TAPT1: variants seen among roughly 807,000 people sequenced by gnomAD.
TAPT1 encodes the protein transmembrane anterior posterior transformation protein 1 homolog.
TAPT1 carries 28 observed loss-of-function variants against 65.6 expected under a neutral mutation model. The observed-to-expected ratio is 0.43, with a 90% CI of 0.32 to 0.59. The LOEUF is 0.59. Ranked by LOEUF, TAPT1 falls within the 20% of genes least tolerant of loss-of-function variation. The pLI, the probability that TAPT1 is intolerant of heterozygous loss-of-function variation, is 0.09. For synonymous variants in TAPT1, 278 were observed against 245.2 expected, an observed-to-expected ratio of 1.13 and a Z score of -1.25; for missense variants, 563 against 679.9, an observed-to-expected ratio of 0.83 and a Z score of 1.91.
chr4:16,206,906 T>C lies in TAPT1; in HGVS notation c.331-4326A>G, dbSNP rs564678101. ...TCTTAGAACTATCTGATGAGTCTCA[T>C]ATGCCCAACCTCCCCTGAGAAAATT... On this transcript the variant is annotated intron_variant, in intron 2 of 13. Coordinates refer to ENST00000405303, the MANE Select transcript of TAPT1 (RefSeq NM_153365.3). Among the ~76,000 whole-genome samples, 6 of 152,280 alleles carry C rather than the reference T, an allele frequency of 3.9e-5. No individual in the cohort carries two copies. In the East Asian group the frequency reaches 5.8e-4, roughly 15 times the overall value.
chr4:16,220,000 G>A (rs191891551), intron 1 of TAPT1, among the ~76,000 whole-genome samples: 35 of 152,298 alleles, frequency 2.3e-4, no homozygotes, highest in Middle Eastern at 3.4e-3. Flanking sequence ...AGTTAGCCTC[G>A]CTGCTTCTGC....
intron 1 of TAPT1, among the ~76,000 whole-genome samples, chr4:16,217,000 C>G (rs1199858990): frequency 6.6e-6 from 1 of 152,156 alleles, no homozygotes; most frequent in Non-Finnish European, 1.5e-5. Context: ...CTCTAGGTCA[C>G]AATTTTCTTT....
chr4:16,163,212 T>C lies in TAPT1; in HGVS notation c.*96A>G. The C allele has an allele frequency of 1.1e-6, 1 of 894,554 alleles. No homozygotes were observed. Among genetic ancestry groups the C allele is most frequent in the Non-Finnish European group, 1.8e-6 (1 of 555,338 alleles). The allele number at this position is 894,554 out of a possible 1,614,324, so 55.4% of individuals were successfully genotyped here. A position where few individuals can be genotyped will look rare whatever the true frequency, so the allele number is the denominator to read the frequency against. ...GCCAATAATAATTTAAGTTTTTAAA[T>C]AAATATTTAAGTGCCATGTTTAGCA... On this transcript the variant is annotated 3_prime_UTR_variant, in exon 14 of 14. Transcript: ENST00000405303.
Position 16,226,363 on chromosome 4 carries a change from G to A in TAPT1, c.95C>T (p.Pro32Leu). The stretch of plus-strand genomic sequence containing the variant: ...GGGCCCCTGTCCGCCGCTGCCGCCC[G>A]GCTGCTCCGCCTCGCCGCGGCCGTC... The part of the protein sequence containing the change: ...QRDGRGEAEQ[P>L]GGSGGQGPPP... Residue 32 changes from proline to leucine, a missense_variant, in exon 1 of 14, where the codon CCG (proline) becomes CTG (leucine). Transcript: ENST00000405303. 2 of 1,110,284 alleles carry A rather than the reference G, an allele frequency of 1.8e-6. No homozygotes were observed. Among genetic ancestry groups the A allele is most frequent in the Non-Finnish European group, 2.2e-6 (2 of 911,302 alleles). The allele number at this position is 1,110,284 out of a possible 1,614,324, so 68.8% of individuals were successfully genotyped here.
Position 16,163,034 on chromosome 4 carries a change from G to C in TAPT1, c.*274C>G, listed in dbSNP as rs1747356602. ...ACAGATTTTGATGTTGCCTTTGTTGGGTCCTGGAAATGATGCTGCTGCTTG... is the reference window on the plus strand; with the variant it reads ...ACAGATTTTGATGTTGCCTTTGTTGCGTCCTGGAAATGATGCTGCTGCTTG... On this transcript the variant is annotated 3_prime_UTR_variant, in exon 14 of 14. Coordinates refer to ENST00000405303, the MANE Select transcript of TAPT1 (RefSeq NM_153365.3). The C allele has an allele frequency of 1.9e-6, 1 of 537,466 alleles. No individual in the cohort carries two copies. Among genetic ancestry groups the C allele is most frequent in the Non-Finnish European group, 3.6e-6 (1 of 280,744 alleles). The allele number at this position is 537,466 out of a possible 1,614,324, so 33.3% of individuals were successfully genotyped here.
chr4:16,188,780 C>A (rs1227026746), intron 4 of TAPT1, among the ~76,000 whole-genome samples: 2 of 151,916 alleles, frequency 1.3e-5, no homozygotes, highest in South Asian at 2.1e-4. Flanking sequence ...ATTAGCCGGG[C>A]GTGGTGGCAG....
Position 16,202,596 on chromosome 4 carries a change from G to T in TAPT1, c.331-16C>A. On this transcript the variant is annotated splice_polypyrimidine_tract_variant and intron_variant, in intron 2 of 13. Transcript: ENST00000405303. ...AAACCATCAGCTGAATTTTAACAAG[G>T]AGAGAAGAAAAAAAAAAAGTATTTT... The T allele has an allele frequency of 7.4e-7, 1 of 1,352,914 alleles. No homozygotes were observed. Among genetic ancestry groups the T allele is most frequent in the African/African-American group, 1.5e-5 (1 of 66,390 alleles). 83.8% of individuals were successfully genotyped at this position (1,352,914 alleles called of 1,614,324 possible).
chr4:16,213,041 C>T (rs75974026), intron 2 of TAPT1, among the ~76,000 whole-genome samples: 16 of 152,328 alleles, frequency 1.1e-4, no homozygotes, highest in East Asian at 3.9e-4. Flanking sequence ...GACGACTGGA[C>T]TATTACAAGA....
chr4:16,186,704 G>C, intron 6 of TAPT1, 77 bp downstream of exon 6: 1 of 1,391,670 alleles, frequency 7.2e-7, no homozygotes, highest in Non-Finnish European at 1.0e-6. Flanking sequence ...ATAGAACAAA[G>C]AATTTTATCC....
intron 1 of TAPT1, among the ~76,000 whole-genome samples, chr4:16,224,500 TC>T (rs1178954213): frequency 6.6e-6 from 1 of 152,154 alleles, no homozygotes; most frequent in Non-Finnish European, 1.5e-5. Context: ...GCTGAAATAC[TC>T]CTGGAATTTG....
At chr4:16,188,190 C>A in intron 5 of TAPT1, 30 bp downstream of exon 5, 4 of 1,565,220 alleles carry the variant, frequency 2.6e-6, no homozygotes, top group Non-Finnish European at 3.4e-6. Context: ...CATTAACTGT[C>A]GGAAATTTCC....
At chr4:16,212,225 G>A (rs528078499) in intron 2 of TAPT1, among the ~76,000 whole-genome samples, 2 of 152,198 alleles carry the variant, frequency 1.3e-5, no homozygotes, top group Admixed American at 1.3e-4. Flanking sequence ...AGAAAAATGG[G>A]AGTTCATAAC....
At chr4:16,214,291 C>G (rs968458360) in intron 1 of TAPT1, 1 of 153,068 alleles carries the variant, frequency 6.5e-6, no homozygotes, top group Non-Finnish European at 1.5e-5. Context: ...AGTCACACAA[C>G]GGGCACCACT....
chr4:16,162,931 G>C lies in TAPT1; in HGVS notation c.*377C>G. The C allele has an allele frequency of 2.3e-6, 1 of 440,978 alleles. No homozygotes were observed. 27.3% of individuals were successfully genotyped at this position (440,978 alleles called of 1,614,324 possible). ...ATTACGTCGTGGTAAAAGTTTCACAGTTTTCCAGGTATTTCCTTATACTGA... is the reference window on the plus strand; with the variant it reads ...ATTACGTCGTGGTAAAAGTTTCACACTTTTCCAGGTATTTCCTTATACTGA... On this transcript the variant is annotated 3_prime_UTR_variant, in exon 14 of 14. Coordinates refer to ENST00000405303, the MANE Select transcript of TAPT1 (RefSeq NM_153365.3).
At chr4:16,202,132 G>A (rs1197264444) in intron 3 of TAPT1, among the ~76,000 whole-genome samples, 1 of 152,092 alleles carries the variant, frequency 6.6e-6, no homozygotes. Context: ...GGGAAATAAA[G>A]GCCCAGGTGA....
chr4:16,215,600 T>C (rs1212686461), intron 1 of TAPT1, among the ~76,000 whole-genome samples: 3 of 152,222 alleles, frequency 2.0e-5, no homozygotes, highest in Non-Finnish European at 2.9e-5. Flanking sequence ...AGCAGACTTC[T>C]TTCCACCTTT....
At position 16,160,957 on chromosome 4, in the gene TAPT1, G is replaced by T. The variant is rs1051339281; in HGVS notation, c.*2351C>A. The T allele has an allele frequency of 2.6e-5, 4 of 152,626 alleles. No individual in the cohort carries two copies. The highest frequency in any genetic ancestry group is 5.9e-5 in the Non-Finnish European group (4 of 68,040). The allele number at this position is 152,626 out of a possible 1,614,324, so 9.5% of individuals were successfully genotyped here. A position where few individuals can be genotyped will look rare whatever the true frequency, so the allele number is the denominator to read the frequency against. On this transcript the variant is annotated 3_prime_UTR_variant, in exon 14 of 14. Transcript: ENST00000405303. ...TATTCTAAAGGAAAACCTAATAAGG[G>T]TCTGGCCTATCCTGTGCCTTCATTA...
At chr4:16,176,638 G>C (rs1409583355) in intron 8 of TAPT1, 1 of 154,188 alleles carries the variant, frequency 6.5e-6, no homozygotes, top group South Asian at 2.0e-4. Flanking sequence ...GGAGGTTGCA[G>C]TGAGCTGAGA....
chr4:16,172,816 GTTTTGT>G (rs908236441), intron 11 of TAPT1, among the ~76,000 whole-genome samples: 3 of 151,352 alleles, frequency 2.0e-5, no homozygotes, highest in African/African-American at 7.3e-5. Flanking sequence ...TGTTTGTTTT[GTTTTGT>G]TTTTGTTGTT....
Sources: gnomAD v4.1 joint callset for allele counts (sites outside exome capture counted in the v4.1 genomes callset) on GRCh38, gnomAD v4.1.1 for gene constraint, MANE v1.5 for transcripts, NCBI Gene and HGNC (gene_info 2026-07-23, HGNC 2026-07-21) for gene names.